The following CRB1 variants were observed in gnomAD, a reference collection of about 807,000 sequenced individuals.
CRB1 encodes crumbs cell polarity complex component 1.
A neutral mutation model predicts 120.0 loss-of-function variants in CRB1; 83 were observed. That is an observed-to-expected ratio of 0.69 (90% CI 0.58 to 0.83). CRB1 has a LOEUF of 0.83. Ranked by LOEUF, CRB1 falls within the 40% of genes least tolerant of loss-of-function variation. The pLI, the probability that CRB1 is intolerant of heterozygous loss-of-function variation, is 0.00. For missense variants in CRB1, 1,699 were observed against 1,687.6 expected, an observed-to-expected ratio of 1.01 and a Z score of -0.12; for synonymous variants, 625 against 612.5, an observed-to-expected ratio of 1.02 and a Z score of -0.30.
At chr1:197,344,188 A>T in intron 2 of CRB1, 93 bp from the exon 3 acceptor site, 1 of 1,198,976 alleles carries the variant, frequency 8.3e-7, no homozygotes. Context: ...ACATTTGACA[A>T]GTGCTCTGGT....
At chr1:197,379,623 A>AAC (rs1661840613) in intron 5 of CRB1, among the ~76,000 whole-genome samples, 1 of 151,534 alleles carries the variant, frequency 6.6e-6, no homozygotes, top group African/African-American at 2.4e-5. Flanking sequence ...AAAAAAAAAA[A>AAC]AAAAAACCAT....
At chr1:197,351,187 C>CAAA (rs780090689) in intron 4 of CRB1, among the ~76,000 whole-genome samples, 7 of 85,370 alleles carry the variant, frequency 8.2e-5, no homozygotes, top group South Asian at 4.7e-4. Context: ...ACTAAAAATA[C>CAAA]AAAAAAAAAA....
the CRB1 span, among the ~76,000 whole-genome samples, chr1:197,214,543 T>C: frequency 6.6e-6 from 1 of 152,142 alleles, no homozygotes; most frequent in South Asian, 2.1e-4. Flanking sequence ...GACTATACTA[T>C]GAACAACTAT....
chr1:197,457,595 T>A (rs1666343211), intron 11 of CRB1, among the ~76,000 whole-genome samples: 1 of 152,142 alleles, frequency 6.6e-6, no homozygotes, highest in Non-Finnish European at 1.5e-5. Context: ...GAGTAGTGCT[T>A]CACTATTTAC....
At chr1:197,445,720 G>A (rs1369236831) in intron 11 of CRB1, among the ~76,000 whole-genome samples, 6 of 152,160 alleles carry the variant, frequency 3.9e-5, no homozygotes, top group South Asian at 2.1e-4. Context: ...GAAGAAATCT[G>A]TTTCTCAACT....
chr1:197,251,693 A>C, the CRB1 span, among the ~76,000 whole-genome samples: 1 of 151,682 alleles, frequency 6.6e-6, no homozygotes, highest in Admixed American at 6.6e-5. Flanking sequence ...AATTCCTTAA[A>C]TTTTTTTCTA....
At chr1:197,326,514 C>T (rs1658499032) in intron 1 of CRB1, among the ~76,000 whole-genome samples, 1 of 151,912 alleles carries the variant, frequency 6.6e-6, no homozygotes, top group South Asian at 2.1e-4. Flanking sequence ...TTCTGTCATC[C>T]CAGCTCTTTG....
chr1:197,412,750 T>A (rs1663775053), intron 5 of CRB1, among the ~76,000 whole-genome samples: 1 of 152,238 alleles, frequency 6.6e-6, no homozygotes, highest in African/African-American at 2.4e-5. Flanking sequence ...TTCTTCACTA[T>A]CATATCTCCT....
At chr1:197,293,766 A>G (rs779471520) in intron 1 of CRB1, among the ~76,000 whole-genome samples, 24 of 152,128 alleles carry the variant, frequency 1.6e-4, no homozygotes, top group Admixed American at 6.6e-5. Context: ...CCACACATCT[A>G]CAACCATCTG....
At chr1:197,454,957 G>A (rs995180314) in intron 11 of CRB1, among the ~76,000 whole-genome samples, 4 of 152,062 alleles carry the variant, frequency 2.6e-5, no homozygotes, top group South Asian at 2.1e-4. Flanking sequence ...CAGGTACATA[G>A]CTTCGTACAT....
At chr1:197,279,552 T>A (rs1258728721) in intron 1 of CRB1, among the ~76,000 whole-genome samples, 1 of 150,616 alleles carries the variant, frequency 6.6e-6, no homozygotes, top group Non-Finnish European at 1.5e-5. Context: ...TTTTTTTTTT[T>A]AACAACCCCT....
chr1:197,452,883 T>C (rs1263074242), intron 11 of CRB1, among the ~76,000 whole-genome samples: 1 of 152,190 alleles, frequency 6.6e-6, no homozygotes, highest in Non-Finnish European at 1.5e-5. Context: ...TGATTCTGAG[T>C]ATATATACAA....
At chr1:197,434,089 A>G (rs933109585) in intron 8 of CRB1, among the ~76,000 whole-genome samples, 42 of 152,174 alleles carry the variant, frequency 2.8e-4, no homozygotes, top group African/African-American at 9.6e-4. Flanking sequence ...CATGAGAGCA[A>G]TTGATATGGT....
At chr1:197,245,473 A>T in the CRB1 span, among the ~76,000 whole-genome samples, 1 of 152,074 alleles carries the variant, frequency 6.6e-6, no homozygotes, top group Non-Finnish European at 1.5e-5. Context: ...TAGCCACTGC[A>T]TTCCAGCCTG....
At chr1:197,219,035 T>C in the CRB1 span, among the ~76,000 whole-genome samples, 1 of 152,156 alleles carries the variant, frequency 6.6e-6, no homozygotes, top group African/African-American at 2.4e-5. Context: ...AGCTAACAAG[T>C]ACTATGGGAG....
chr1:197,468,792 T>A (rs1047424386), intron 11 of CRB1, among the ~76,000 whole-genome samples: 1 of 152,112 alleles, frequency 6.6e-6, no homozygotes, highest in Non-Finnish European at 1.5e-5. Flanking sequence ...TGTGTAAGAG[T>A]TACAGGTGAG....
chr1:197,435,139 C>A lies in CRB1; in HGVS notation c.3276C>A (p.Gly1092=), dbSNP rs550408313. ...VGDRAIDNIK[G]LQGCLSTIEI... ...ACAGAGCTATTGACAATATAAAGGG[C>A]CTGCAAGGGTGTCTAAGTACAATAG... The change falls in exon 9 of 12, where the codon GGC becomes GGA. Residue 1092 remains glycine, a synonymous_variant. Transcript: ENST00000367400. The A allele has an allele frequency of 2.5e-6, 4 of 1,613,786 alleles. No individual in the cohort carries two copies. The East Asian group carries it at 8.9e-5, about 36-fold the overall frequency.
At chr1:197,439,615 G>T (rs1280693357) in intron 10 of CRB1, 1 of 151,860 alleles carries the variant, frequency 6.6e-6, no homozygotes, top group Non-Finnish European at 1.5e-5. Context: ...TTTTTTTAAT[G>T]AGAAAGGTGT....
intron 2 of CRB1, among the ~76,000 whole-genome samples, chr1:197,336,404 ATATGT>A (rs1659156956): frequency 6.6e-6 from 1 of 151,464 alleles, no homozygotes; most frequent in African/African-American, 2.5e-5. Flanking sequence ...GGAAAATAAA[ATATGT>A]TATTAAATAT....
Sources: gnomAD v4.1 joint callset for allele counts (sites outside exome capture counted in the v4.1 genomes callset) on GRCh38, gnomAD v4.1.1 for gene constraint, MANE v1.5 for transcripts, NCBI Gene and HGNC (gene_info 2026-07-23, HGNC 2026-07-21) for gene names.